Variants in PMPCB observed in about 807,000 individuals in gnomAD.
PMPCB encodes the protein peptidase, mitochondrial processing subunit beta, also known as mitochondrial-processing peptidase subunit beta.
A neutral mutation model predicts 61.5 loss-of-function variants in PMPCB; 46 were observed. The ratio of observed to expected loss-of-function variants is 0.75; its 90% CI spans 0.59 to 0.96. The LOEUF is 0.96. Among genes scored for constraint, PMPCB ranks in the 40% least tolerant of loss-of-function variants. The pLI is 0.00. For synonymous variants in PMPCB, 191 were observed against 201.6 expected (o/e 0.95, Z 0.44); for missense variants, 590 against 602.4 (o/e 0.98, Z 0.22).
rs1294550054 is a variant in PMPCB, at chr7:103,310,348, C to T, written c.1027C>T (p.His343Tyr). ...LSSKLAQLTC[H>Y]GNLCHSFQSF... ...TAGCAAGCTGGCCCAGCTCACTTGT[C>T]ATGGCAATCTTTGCCATAGCTTTCA... Residue 343 changes from histidine to tyrosine, a missense_variant, in exon 9 of 13, where the codon CAT (histidine) becomes TAT (tyrosine). Physicochemically the swap from His to Tyr is moderately conservative, Grantham distance 83. Transcript: ENST00000249269. The T allele has an allele frequency of 6.2e-7, 1 of 1,613,488 alleles. No homozygotes were observed. The highest frequency in any genetic ancestry group is 1.7e-5 in the Admixed American group (1 of 59,960).
intron 12 of PMPCB, chr7:103,326,442 C>T (rs1354809083): frequency 1.7e-6 from 2 of 1,198,128 alleles, no homozygotes; most frequent in Non-Finnish European, 2.4e-6. Context: ...TGGAAATAAT[C>T]TATAAATGAA....
the PMPCB span, chr7:103,341,847 C>G: frequency 4.3e-6 from 7 of 1,612,850 alleles, no homozygotes; most frequent in East Asian, 1.3e-4. Context: ...TCGGATAACT[C>G]TTTCTTATCC....
chr7:103,311,478 A>G (rs1817749895), intron 9 of PMPCB, 165 bp from the exon 10 acceptor site: 1 of 604,206 alleles, frequency 1.7e-6, no homozygotes, highest in East Asian at 2.8e-5. Context: ...ATCATTTTTG[A>G]GAAATTAATA....
the PMPCB span, among the ~76,000 whole-genome samples, chr7:103,343,287 C>A: frequency 1.3e-5 from 2 of 152,206 alleles, no homozygotes; most frequent in African/African-American, 4.8e-5. Flanking sequence ...AGACGTGAGC[C>A]ACCGCACCCA....
chr7:103,300,604 T>C (rs912574009), intron 4 of PMPCB, among the ~76,000 whole-genome samples: 3 of 152,218 alleles, frequency 2.0e-5, no homozygotes, highest in Admixed American at 2.0e-4. Flanking sequence ...CTGTTTTGAC[T>C]CTCTTAAAAG....
At chr7:103,310,594 A>C in intron 9 of PMPCB, 119 bp downstream of exon 9, 1 of 697,428 alleles carries the variant, frequency 1.4e-6, no homozygotes, top group Non-Finnish European at 2.2e-6. Context: ...AGACCTAGAT[A>C]AACAGTAGTT....
the PMPCB span, among the ~76,000 whole-genome samples, chr7:103,338,335 T>G: frequency 4.0e-5 from 6 of 150,606 alleles, no homozygotes; most frequent in African/African-American, 1.2e-4. Context: ...CTTGCTCTGT[T>G]GCCCAGGCTG....
rs1022617132 is a variant in PMPCB, at chr7:103,322,434, A to G, written c.*1432-6497A>G. The G allele has an allele frequency of 2.3e-5, 30 of 1,311,700 alleles. No individual in the cohort carries two copies. The African/African-American group carries it at 3.5e-4, about 15-fold the overall frequency. 81.3% of individuals were successfully genotyped at this position (1,311,700 alleles called of 1,614,324 possible). On this transcript the variant is annotated intron_variant and NMD_transcript_variant, in intron 12 of 12. Transcript: ENST00000444457. Reference sequence around the variant, plus strand: ...CTTTCGAATTATAGTTTTTTTTAAAAAAAGATGTGAAGATTAAAGTGAAGA... The same window carrying G: ...CTTTCGAATTATAGTTTTTTTTAAAGAAAGATGTGAAGATTAAAGTGAAGA...
the PMPCB span, chr7:103,337,875 T>A: frequency 6.0e-6 from 7 of 1,171,288 alleles, no homozygotes; most frequent in Non-Finnish European, 8.8e-6. Flanking sequence ...ATCCCTTGTG[T>A]TCTGGTACCT....
chr7:103,314,460 C>T lies in PMPCB; in HGVS notation c.*2189C>T, dbSNP rs1315319715. 1.5e-5 allele frequency: 15 copies of T among 985,260 alleles called. No individual in the cohort carries two copies. Among genetic ancestry groups the T allele is most frequent in the Non-Finnish European group, 1.8e-5 (15 of 829,916 alleles). The allele number at this position is 985,260 out of a possible 1,614,324, so 61.0% of individuals were successfully genotyped here. ...CACTCTTGCCTTCACAGGGTCACCT[C>T]TCCTCACAGAAAGCAGACTGGACAA... On this transcript the variant is annotated 3_prime_UTR_variant, in exon 13 of 13. Coordinates refer to ENST00000249269, the MANE Select transcript of PMPCB (RefSeq NM_004279.3).
At chr7:103,321,556 G>C (rs949292745) in intron 12 of PMPCB, among the ~76,000 whole-genome samples, 1 of 149,520 alleles carries the variant, frequency 6.7e-6, no homozygotes, top group Non-Finnish European at 1.5e-5. Context: ...TTTTTTTCAA[G>C]AAATATTTTG....
At chr7:103,340,241 T>C in the PMPCB span, among the ~76,000 whole-genome samples, 1 of 152,246 alleles carries the variant, frequency 6.6e-6, no homozygotes, top group Non-Finnish European at 1.5e-5. Flanking sequence ...TTGTTTTCTT[T>C]CTACTTCTGT....
chr7:103,335,245 GA>G, the PMPCB span: 8 of 152,296 alleles, frequency 5.3e-5, no homozygotes, highest in African/African-American at 1.9e-4. Flanking sequence ...AATGGTACCA[GA>G]TTTACATTTT....
intron 12 of PMPCB, chr7:103,326,725 C>A (rs935669369): frequency 6.5e-7 from 1 of 1,538,986 alleles, no homozygotes; most frequent in Non-Finnish European, 8.8e-7. Context: ...CATAACTTTA[C>A]CTATTTTTTC....
intron 12 of PMPCB, chr7:103,326,711 TCAC>T (rs1429988166): frequency 2.0e-5 from 32 of 1,576,696 alleles, no homozygotes; most frequent in Non-Finnish European, 2.7e-5. Flanking sequence ...TAAGATCACA[TCAC>T]CATAACTTTA....
At chr7:103,307,506 T>TCG in intron 6 of PMPCB, 90 bp from the exon 7 acceptor site, 1 of 722,730 alleles carries the variant, frequency 1.4e-6, no homozygotes, top group South Asian at 1.6e-5. Flanking sequence ...AGATAGTTCA[T>TCG]GTGTAATGTA....
rs767525428 is a variant in PMPCB, at chr7:103,297,486, G to T, written c.27G>T (p.Val9=). 1.3e-6 allele frequency: 2 copies of T among 1,567,878 alleles called. No individual in the cohort carries two copies. Among genetic ancestry groups the T allele is most frequent in the Non-Finnish European group, 1.7e-6 (2 of 1,156,290 alleles). Residue 9 remains valine, a synonymous_variant, in exon 1 of 13, where the codon GTG becomes GTT. Coordinates refer to ENST00000249269, the MANE Select transcript of PMPCB (RefSeq NM_004279.3). MAAAAARV[V]LSSAARRRLW... ...TGGCGGCTGCGGCGGCTCGAGTGGT[G>T]TTGTCATCCGCGGCGCGGCGGCGGC...
chr7:103,312,500 A>G lies in PMPCB; in HGVS notation c.*229A>G. The G allele has an allele frequency of 7.6e-6, 12 of 1,579,634 alleles. No homozygotes were observed. The South Asian group carries it at 1.3e-4, about 17-fold the overall frequency. On this transcript the variant is annotated 3_prime_UTR_variant, in exon 13 of 13. Coordinates refer to ENST00000249269, the MANE Select transcript of PMPCB (RefSeq NM_004279.3). ...ACTTTCAAATTATTACCATGAGTATAATTTTAAGAATGAAAATGTTTACAG... is the reference window on the plus strand; with the variant it reads ...ACTTTCAAATTATTACCATGAGTATGATTTTAAGAATGAAAATGTTTACAG...
At position 103,309,007 on chromosome 7, in the gene PMPCB, C is replaced by T; in HGVS notation, c.905C>T (p.Ala302Val). 6.2e-7 allele frequency: 1 copy of T among 1,606,112 alleles called. No homozygotes were observed. The highest frequency in any genetic ancestry group is 8.5e-7 in the Non-Finnish European group (1 of 1,175,678). Residue 302 changes from alanine to valine, a missense_variant, in exon 8 of 13, where the codon GCT becomes GTT. Transcript: ENST00000249269. The part of the protein sequence containing the change: ...PLAHLAIAVE[A>V]VGWAHPDTIC... ...GCGCACCTTGCAATAGCTGTTGAAG[C>T]TGTTGGTTGGGCACATCCAGATACA...
Sources: gnomAD v4.1 joint callset for allele counts (sites outside exome capture counted in the v4.1 genomes callset) on GRCh38, gnomAD v4.1.1 for gene constraint, MANE v1.5 for transcripts, NCBI Gene and HGNC (gene_info 2026-07-23, HGNC 2026-07-21) for gene names.